The following WNT7A variants were observed in gnomAD, a reference collection of about 807,000 sequenced individuals.
WNT7A encodes protein Wnt-7a.
Under a neutral mutation model 28.2 loss-of-function variants are expected in WNT7A, and 16 were observed. The ratio of observed to expected loss-of-function variants is 0.57; its 90% CI spans 0.38 to 0.86. WNT7A has a LOEUF of 0.86. Among genes scored for constraint, WNT7A ranks in the 40% least tolerant of loss-of-function variants. The pLI is 0.00. For synonymous variants in WNT7A, 190 were observed against 195.9 expected (o/e 0.97, Z 0.25); for missense variants, 411 against 489.7 (o/e 0.84, Z 1.52).
chr3:13,868,758 GA>G, intron 2 of WNT7A, among the ~76,000 whole-genome samples: 1 of 139,098 alleles, frequency 7.2e-6, no homozygotes, highest in African/African-American at 3.1e-5. Context: ...AGAAAGGAGG[GA>G]AGGGAAGGGA....
chr3:13,819,867 C>T (rs1317298834), intron 3 of WNT7A, among the ~76,000 whole-genome samples: 3 of 152,154 alleles, frequency 2.0e-5, no homozygotes, highest in African/African-American at 7.2e-5. Context: ...ACTTTATTCA[C>T]CTACAAAGAC....
At chr3:13,823,398 C>T (rs1694143233) in intron 3 of WNT7A, among the ~76,000 whole-genome samples, 1 of 152,168 alleles carries the variant, frequency 6.6e-6, no homozygotes, top group East Asian at 1.9e-4. Flanking sequence ...AGGTAATTCA[C>T]CAAGGGGGTG....
At chr3:13,865,597 C>A (rs984868070) in intron 2 of WNT7A, among the ~76,000 whole-genome samples, 1 of 152,210 alleles carries the variant, frequency 6.6e-6, no homozygotes. Flanking sequence ...AAACAGCCGT[C>A]ACTCACGCAA....
chr3:13,860,356 G>A (rs965786691), intron 2 of WNT7A, among the ~76,000 whole-genome samples: 5 of 152,156 alleles, frequency 3.3e-5, no homozygotes, highest in African/African-American at 1.2e-4. Context: ...GAAACCCCAT[G>A]GTTAGAGATT....
intron 3 of WNT7A, among the ~76,000 whole-genome samples, chr3:13,834,964 T>A (rs1472086636): frequency 6.6e-6 from 1 of 152,184 alleles, no homozygotes; most frequent in Non-Finnish European, 1.5e-5. Flanking sequence ...TGCAAATGAA[T>A]GACTGAGAGC....
In WNT7A at chr3:13,829,443, A is replaced by G. The variant is rs78075012; in HGVS notation, c.571-10020T>C. Among the ~76,000 whole-genome samples the G allele has an allele frequency of 3.3e-3, 507 of 152,304 alleles. 2 individuals are homozygous for G. Among genetic ancestry groups the G allele is most frequent in the African/African-American group, 0.012 (485 of 41,550 alleles). On this transcript the variant is annotated intron_variant, in intron 3 of 3. Transcript: ENST00000285018. ...AGAAGGCTCTTTGCGGCCTGGCACC[A>G]GGTATCTCACAGAACTGGCGCCCAG... is the stretch of plus-strand genomic sequence containing the variant.
intron 3 of WNT7A, among the ~76,000 whole-genome samples, chr3:13,823,699 G>T (rs1694146526): frequency 6.6e-6 from 1 of 152,236 alleles, no homozygotes; most frequent in Non-Finnish European, 1.5e-5. Flanking sequence ...ATCTTGTGAT[G>T]CTGAGATATC....
chr3:13,841,563 G>A (rs141303868), intron 3 of WNT7A, among the ~76,000 whole-genome samples: 88 of 152,334 alleles, frequency 5.8e-4, no homozygotes, highest in African/African-American at 1.4e-3. Flanking sequence ...GAATTCATGC[G>A]TATGAAGTAA....
chr3:13,826,224 G>A (rs979217304), intron 3 of WNT7A, among the ~76,000 whole-genome samples: 1 of 152,176 alleles, frequency 6.6e-6, no homozygotes, highest in African/African-American at 2.4e-5. Flanking sequence ...TGCAGTCCTT[G>A]CCACCTCTGA....
At chr3:13,852,794 C>T (rs551253633) in intron 3 of WNT7A, among the ~76,000 whole-genome samples, 6 of 152,250 alleles carry the variant, frequency 3.9e-5, no homozygotes, top group East Asian at 3.9e-4. Context: ...CACAAAGGGG[C>T]GGGACGGGTG....
intron 2 of WNT7A, among the ~76,000 whole-genome samples, chr3:13,856,975 A>AAGAAGAAGG (rs1694754976): frequency 6.7e-4 from 65 of 97,054 alleles, no homozygotes; most frequent in African/African-American, 3.9e-3. Context: ...GAAGGAGAAG[A>AAGAAGAAGG]AGAAGAAGAA....
chr3:13,866,208 T>C (rs981850553), intron 2 of WNT7A, among the ~76,000 whole-genome samples: 1 of 152,242 alleles, frequency 6.6e-6, no homozygotes, highest in Non-Finnish European at 1.5e-5. Context: ...GCCCTCCATG[T>C]GCCAGGCACT....
At chr3:13,873,294 C>G (rs1439574238) in intron 2 of WNT7A, among the ~76,000 whole-genome samples, 3 of 151,968 alleles carry the variant, frequency 2.0e-5, no homozygotes, top group East Asian at 3.9e-4. Context: ...CTGGAAAGAT[C>G]CTCTGCCAAC....
chr3:13,819,375 C>T lies in WNT7A; in HGVS notation c.619G>A (p.Gly207Ser), dbSNP rs1694074149. The stretch of plus-strand genomic sequence containing the variant: ...CAGCACGTCTTGGTGGTGCACGAGC[C>T]TGACACGCCGTGGCACTTACATTCC... Reference protein sequence around the residue: ...KLECKCHGVSGSCTTKTCWTT... With the variant: ...KLECKCHGVSSSCTTKTCWTT... Residue 207 changes from glycine (G) to serine (S), a missense_variant, in exon 4 of 4, where the codon GGC (glycine) becomes AGC (serine). By Grantham distance (56) the Gly-to-Ser change is moderately conservative (BLOSUM62 0). Transcript: ENST00000285018. 2 of 1,613,482 alleles carry T rather than the reference C, an allele frequency of 1.2e-6. No individual in the cohort carries two copies. The highest frequency in any genetic ancestry group is 1.7e-6 in the Non-Finnish European group (2 of 1,179,786).
chr3:13,819,481 C>T, intron 3 of WNT7A, 58 bp from the exon 4 acceptor site: 1 of 1,581,132 alleles, frequency 6.3e-7, no homozygotes, highest in Middle Eastern at 1.9e-4. Flanking sequence ...AGGCCAAGTG[C>T]AGCCCCCAGC....
chr3:13,860,990 C>T (rs1175877039), intron 2 of WNT7A, among the ~76,000 whole-genome samples: 1 of 152,212 alleles, frequency 6.6e-6, no homozygotes, highest in Non-Finnish European at 1.5e-5. Flanking sequence ...ATGGCAACAA[C>T]GTGGGAGGTG....
chr3:13,862,534 G>T (rs1694847145), intron 2 of WNT7A, among the ~76,000 whole-genome samples: 2 of 152,254 alleles, frequency 1.3e-5, no homozygotes, highest in Admixed American at 6.5e-5. Context: ...GATGGAAAAA[G>T]GTTGCGCTTG....
At chr3:13,840,627 T>TCCATCCATCCAC (rs1553573383) in intron 3 of WNT7A, among the ~76,000 whole-genome samples, 1 of 151,524 alleles carries the variant, frequency 6.6e-6, no homozygotes, top group African/African-American at 2.4e-5. Context: ...CATCCATCCA[T>TCCATCCATCCAC]CCACCCATTC....
At chr3:13,848,278 A>G (rs1171764544) in intron 3 of WNT7A, among the ~76,000 whole-genome samples, 1 of 152,226 alleles carries the variant, frequency 6.6e-6, no homozygotes, top group Non-Finnish European at 1.5e-5. Flanking sequence ...TATGAAGATG[A>G]TAAAAAAGAC....
Sources: gnomAD v4.1 joint callset for allele counts (sites outside exome capture counted in the v4.1 genomes callset) on GRCh38, gnomAD v4.1.1 for gene constraint, MANE v1.5 for transcripts, NCBI Gene and HGNC (gene_info 2026-07-23, HGNC 2026-07-21) for gene names.